XRCC4: variants seen among roughly 807,000 people sequenced by gnomAD.
The protein encoded by XRCC4 is DNA repair protein XRCC4.
Under a neutral mutation model 39.1 loss-of-function variants are expected in XRCC4, and 28 were observed. The ratio of observed to expected loss-of-function variants is 0.72; its 90% CI spans 0.53 to 0.98. XRCC4 has a LOEUF of 0.98. Ranked by LOEUF, XRCC4 falls within the 50% of genes least tolerant of loss-of-function variation. XRCC4 has a pLI of 0.00. For missense variants in XRCC4, 350 were observed against 376.4 expected (o/e 0.93, Z 0.58); for synonymous variants, 123 against 126.4 (o/e 0.97, Z 0.18).
chr5:83,180,151 T>C (rs1264869434), intron 3 of XRCC4, among the ~76,000 whole-genome samples: 5 of 152,154 alleles, frequency 3.3e-5, no homozygotes, highest in Non-Finnish European at 5.9e-5. Flanking sequence ...GATGTTTATA[T>C]TGATCTAAAT....
chr5:83,308,021 T>C (rs987914186), intron 7 of XRCC4, among the ~76,000 whole-genome samples: 1 of 152,240 alleles, frequency 6.6e-6, no homozygotes, highest in East Asian at 1.9e-4. Flanking sequence ...TCCTCTTCCA[T>C]GGAGCCCTAA....
chr5:83,353,955 A>G (rs1757159711), downstream of XRCC4, among the ~76,000 whole-genome samples: 1 of 152,212 alleles, frequency 6.6e-6, no homozygotes, highest in African/African-American at 2.4e-5. Flanking sequence ...ACCTTGTCAT[A>G]GCTATTTATC....
the XRCC4 span, among the ~76,000 whole-genome samples, chr5:83,368,289 A>G: frequency 2.6e-5 from 4 of 152,184 alleles, no homozygotes; most frequent in African/African-American, 9.6e-5. Flanking sequence ...GCAGTCAATC[A>G]TCCCAGGTGG....
At chr5:83,237,615 AGGG>A (rs1165206376) in intron 6 of XRCC4, among the ~76,000 whole-genome samples, 1 of 152,112 alleles carries the variant, frequency 6.6e-6, no homozygotes, top group Non-Finnish European at 1.5e-5. Flanking sequence ...GGTAGGGTTA[AGGG>A]GTTCAAAAAT....
At chr5:83,197,571 A>G (rs1190676329) in intron 4 of XRCC4, among the ~76,000 whole-genome samples, 1 of 152,146 alleles carries the variant, frequency 6.6e-6, no homozygotes, top group East Asian at 1.9e-4. Flanking sequence ...GGGGAATTAG[A>G]GACAAATGCA....
At chr5:83,146,092 C>A (rs1030342026) in intron 3 of XRCC4, among the ~76,000 whole-genome samples, 1 of 152,162 alleles carries the variant, frequency 6.6e-6, no homozygotes, top group Non-Finnish European at 1.5e-5. Context: ...TCCTTAGAAT[C>A]AGTCTTTCTG....
At chr5:83,086,687 T>C (rs1437504623) in intron 1 of XRCC4, among the ~76,000 whole-genome samples, 1 of 152,096 alleles carries the variant, frequency 6.6e-6, no homozygotes, top group African/African-American at 2.4e-5. Flanking sequence ...TGAGAAACTT[T>C]AGAGTGTAAG....
chr5:83,365,377 G>T, the XRCC4 span, among the ~76,000 whole-genome samples: 4 of 152,196 alleles, frequency 2.6e-5, no homozygotes, highest in East Asian at 5.8e-4. Flanking sequence ...CTCACCTTTT[G>T]CCAAAATAAA....
At chr5:83,242,767 C>G (rs1206011782) in intron 6 of XRCC4, among the ~76,000 whole-genome samples, 2 of 152,190 alleles carry the variant, frequency 1.3e-5, no homozygotes, top group Non-Finnish European at 2.9e-5. Context: ...AAATCAATTT[C>G]CTTTGTAATA....
chr5:83,113,772 G>A (rs896572552), intron 3 of XRCC4, among the ~76,000 whole-genome samples: 19 of 152,022 alleles, frequency 1.2e-4, no homozygotes, highest in South Asian at 6.2e-4. Context: ...GACTATAGGC[G>A]TCCGCCACCA....
intron 7 of XRCC4, among the ~76,000 whole-genome samples, chr5:83,308,080 G>C (rs1755550757): frequency 6.6e-6 from 1 of 152,142 alleles, no homozygotes; most frequent in Non-Finnish European, 1.5e-5. Context: ...TGTTAAATGA[G>C]AGAATGTTCC....
At chr5:83,352,475 G>A (rs867819344) in intron 7 of XRCC4, among the ~76,000 whole-genome samples, 5 of 152,164 alleles carry the variant, frequency 3.3e-5, no homozygotes, top group Admixed American at 6.5e-5. Flanking sequence ...ATGGCAGTCA[G>A]CCTGTTATCT....
At chr5:83,338,344 A>T (rs181736234) in intron 7 of XRCC4, among the ~76,000 whole-genome samples, 1 of 152,194 alleles carries the variant, frequency 6.6e-6, no homozygotes, top group African/African-American at 2.4e-5. Context: ...TGAGATATGT[A>T]GCTTTCTTGT....
intron 6 of XRCC4, among the ~76,000 whole-genome samples, chr5:83,245,354 T>C (rs925777130): frequency 3.3e-5 from 5 of 151,912 alleles, no homozygotes; most frequent in Admixed American, 3.3e-4. Context: ...GAAAGGAGTC[T>C]AGGAAGTGAG....
At chr5:83,196,031 GGA>G in intron 4 of XRCC4, 95 bp downstream of exon 4, 4 of 1,264,134 alleles carry the variant, frequency 3.2e-6, no homozygotes, top group Non-Finnish European at 3.2e-6. Flanking sequence ...CAATATATGT[GGA>G]TTAGCACATA....
chr5:83,373,350 GAATA>G, the XRCC4 span, among the ~76,000 whole-genome samples: 3 of 152,080 alleles, frequency 2.0e-5, no homozygotes, highest in Admixed American at 2.0e-4. Context: ...CACCATAAGA[GAATA>G]AATAAATTGA....
At chr5:83,202,248 A>AT (rs1043349583) in intron 4 of XRCC4, 3 of 152,206 alleles carry the variant, frequency 2.0e-5, no homozygotes, top group African/African-American at 7.2e-5. Flanking sequence ...ATATTAATTT[A>AT]TTCACTTTAT....
intron 1 of XRCC4, among the ~76,000 whole-genome samples, chr5:83,094,427 C>T (rs1580208130): frequency 1.4e-5 from 2 of 143,856 alleles, no homozygotes; most frequent in African/African-American, 2.6e-5. Flanking sequence ...CCTCTTCTTT[C>T]CTTTCCTCTT....
intron 7 of XRCC4, among the ~76,000 whole-genome samples, chr5:83,334,674 CAT>C (rs150054914): frequency 0.015 from 2,163 of 147,504 alleles, 48 homozygotes; most frequent in African/African-American, 0.045. Flanking sequence ...TATGTGTGTG[CAT>C]ATATATATAT....
Sources: gnomAD v4.1 joint callset for allele counts (sites outside exome capture counted in the v4.1 genomes callset) on GRCh38, gnomAD v4.1.1 for gene constraint, MANE v1.5 for transcripts, NCBI Gene and HGNC (gene_info 2026-07-23, HGNC 2026-07-21) for gene names.